The following CREB5 variants were observed in gnomAD, a reference collection of about 807,000 sequenced individuals.
CREB5 encodes the protein cyclic AMP-responsive element-binding protein 5.
A neutral mutation model predicts 57.1 loss-of-function variants in CREB5; 19 were observed. The observed-to-expected ratio is 0.33, with a 90% CI of 0.23 to 0.49. The LOEUF (loss-of-function observed/expected upper bound fraction) is 0.49, where lower values mean the gene tolerates loss of function less well. Among genes scored for constraint, CREB5 ranks in the 20% least tolerant of loss-of-function variants. CREB5 has a pLI of 0.99. For missense variants in CREB5, 579 were observed against 671.6 expected, an observed-to-expected ratio of 0.86 and a Z score of 1.52; for synonymous variants, 238 against 238.3, an observed-to-expected ratio of 1.00 and a Z score of 0.01.
intron 1 of CREB5, among the ~76,000 whole-genome samples, chr7:28,311,322 T>C (rs890367836): frequency 8.5e-5 from 13 of 152,110 alleles, no homozygotes; most frequent in African/African-American, 3.1e-4. Flanking sequence ...TTTCATGGAC[T>C]CTTGAGCCCT....
chr7:28,583,005 G>A (rs916357806), intron 5 of CREB5, among the ~76,000 whole-genome samples: 4 of 152,144 alleles, frequency 2.6e-5, no homozygotes, highest in African/African-American at 9.7e-5. Flanking sequence ...TGGGCACCTC[G>A]AATCCACTAA....
chr7:28,445,106 G>C (rs1789379232), intron 1 of CREB5, among the ~76,000 whole-genome samples: 1 of 152,166 alleles, frequency 6.6e-6, no homozygotes, highest in South Asian at 2.1e-4. Context: ...CAAAAGGGCA[G>C]TTCCCCTGCA....
At chr7:28,399,147 G>A (rs1787395386) in intron 1 of CREB5, among the ~76,000 whole-genome samples, 1 of 152,154 alleles carries the variant, frequency 6.6e-6, no homozygotes, top group Non-Finnish European at 1.5e-5. Flanking sequence ...GCTGATATAA[G>A]AGTGGGGAAG....
At chr7:28,571,564 A>T (rs1291155753) in intron 5 of CREB5, among the ~76,000 whole-genome samples, 1 of 152,204 alleles carries the variant, frequency 6.6e-6, no homozygotes, top group Non-Finnish European at 1.5e-5. Context: ...ATTGAACACC[A>T]GATACTCCAT....
chr7:28,349,588 C>T (rs2127990315), intron 1 of CREB5, among the ~76,000 whole-genome samples: 1 of 152,084 alleles, frequency 6.6e-6, no homozygotes, highest in South Asian at 2.1e-4. Context: ...GCCTATGAAC[C>T]AACTAAGGAA....
chr7:28,534,295 G>T (rs1242467909), intron 4 of CREB5, among the ~76,000 whole-genome samples: 3 of 152,152 alleles, frequency 2.0e-5, no homozygotes, highest in Admixed American at 2.0e-4. Flanking sequence ...GTAGGATGAG[G>T]AGGCCCTGCC....
chr7:28,410,207 CAGGCGCTCCGGGCTGGAG>C (rs1436122653), upstream of CREB5: 2 of 452,612 alleles, frequency 4.4e-6, no homozygotes, highest in Admixed American at 2.4e-5. Flanking sequence ...GCTTTCGCTC[CAGGCGCTCCGGGCTGGAG>C]AGCGGCGAGG....
intron 5 of CREB5, among the ~76,000 whole-genome samples, chr7:28,656,514 T>C (rs1562553055): frequency 6.6e-6 from 1 of 152,212 alleles, no homozygotes; most frequent in African/African-American, 2.4e-5. Context: ...ATCAGATTAT[T>C]ATCATAGCAG....
intron 1 of CREB5, 55 bp downstream of exon 1, chr7:28,412,972 T>TA: frequency 7.4e-7 from 1 of 1,359,154 alleles, no homozygotes; most frequent in South Asian, 2.0e-5. Context: ...TGCACTTAGT[T>TA]AAATAGAACC....
intron 5 of CREB5, among the ~76,000 whole-genome samples, chr7:28,642,975 C>CACAT (rs760319882): frequency 2.2e-5 from 2 of 89,498 alleles, no homozygotes; most frequent in South Asian, 4.0e-4. Flanking sequence ...CACACACACA[C>CACAT]ACACACACAC....
chr7:28,719,073 A>G (rs564592226), intron 6 of CREB5, among the ~76,000 whole-genome samples, 194 bp downstream of exon 6: 1 of 151,974 alleles, frequency 6.6e-6, no homozygotes, highest in South Asian at 2.1e-4. Context: ...TGGCTTCCCC[A>G]CCCTTCAGTG....
intron 7 of CREB5, among the ~76,000 whole-genome samples, chr7:28,794,545 T>C (rs1261624021): frequency 1.3e-5 from 2 of 152,174 alleles, no homozygotes; most frequent in Admixed American, 1.3e-4. Flanking sequence ...GGTCATGACA[T>C]AATGCTTAAG....
chr7:28,660,632 T>TA (rs1014343535), intron 5 of CREB5, among the ~76,000 whole-genome samples: 6 of 151,924 alleles, frequency 3.9e-5, no homozygotes, highest in African/African-American at 1.2e-4. Context: ...AGTCCTATAG[T>TA]AAAAAAAAGT....
intron 4 of CREB5, among the ~76,000 whole-genome samples, chr7:28,547,352 A>G (rs1306393943): frequency 6.6e-6 from 1 of 152,090 alleles, no homozygotes; most frequent in Non-Finnish European, 1.5e-5. Context: ...TTTAATTTGC[A>G]TTTCTCTGAC....
chr7:28,493,397 G>A (rs979168126), intron 2 of CREB5, among the ~76,000 whole-genome samples: 14 of 152,150 alleles, frequency 9.2e-5, no homozygotes, highest in African/African-American at 3.1e-4. Flanking sequence ...TTACCCCAAA[G>A]CTTCAGTGGC....
At chr7:28,590,863 A>G (rs767788473) in intron 5 of CREB5, among the ~76,000 whole-genome samples, 1 of 152,162 alleles carries the variant, frequency 6.6e-6, no homozygotes, top group Non-Finnish European at 1.5e-5. Flanking sequence ...AATATCTGGC[A>G]TATAGCAAAA....
At chr7:28,679,935 A>G (rs1008633119) in intron 5 of CREB5, among the ~76,000 whole-genome samples, 2 of 152,148 alleles carry the variant, frequency 1.3e-5, no homozygotes, top group African/African-American at 4.8e-5. Context: ...ATCATTCTCC[A>G]TCTCCCCAAA....
At chr7:28,595,837 A>G (rs1183745766) in intron 5 of CREB5, among the ~76,000 whole-genome samples, 1 of 152,192 alleles carries the variant, frequency 6.6e-6, no homozygotes, top group Non-Finnish European at 1.5e-5. Flanking sequence ...GGCTTTTGAA[A>G]TCAGAGGGGC....
At chr7:28,516,656 A>G (rs1474943268) in intron 4 of CREB5, among the ~76,000 whole-genome samples, 1 of 152,162 alleles carries the variant, frequency 6.6e-6, no homozygotes, top group Non-Finnish European at 1.5e-5. Context: ...CACTAAAACA[A>G]TTAGGAAGCT....
Sources: gnomAD v4.1 joint callset for allele counts (sites outside exome capture counted in the v4.1 genomes callset) on GRCh38, gnomAD v4.1.1 for gene constraint, MANE v1.5 for transcripts, NCBI Gene and HGNC (gene_info 2026-07-23, HGNC 2026-07-21) for gene names.